The following PLCB1 variants were observed in gnomAD, a reference collection of about 807,000 sequenced individuals.
The protein encoded by PLCB1 is phospholipase C beta 1.
In PLCB1, 46 loss-of-function variants were observed where a neutral mutation model predicts 161.8. That is an observed-to-expected ratio of 0.28 (90% CI 0.22 to 0.36). The LOEUF is 0.36. PLCB1 is among the 10% of genes least tolerant of loss of function. The probability of loss-of-function intolerance (pLI) is 1.00; values close to 1 mark genes in which losing one functional copy is unlikely to be tolerated. For synonymous variants in PLCB1, 517 were observed against 503.7 expected (o/e 1.03, Z -0.35); for missense variants, 1,016 against 1,472.5 (o/e 0.69, Z 5.07).
chr20:8,543,954 A>G (rs1372630436), intron 3 of PLCB1, among the ~76,000 whole-genome samples: 1 of 152,188 alleles, frequency 6.6e-6, no homozygotes, highest in Non-Finnish European at 1.5e-5. Flanking sequence ...TAAATTACTC[A>G]GTCTTGGGTA....
At chr20:8,150,251 C>T (rs2051496125) in intron 1 of PLCB1, 43 bp from the exon 2 acceptor site, 1 of 823,706 alleles carries the variant, frequency 1.2e-6, no homozygotes, top group Non-Finnish European at 2.0e-6. Flanking sequence ...GATTTTTCTA[C>T]AGTGATATAT....
chr20:8,274,482 T>A (rs1270736333), intron 2 of PLCB1, among the ~76,000 whole-genome samples: 4 of 148,858 alleles, frequency 2.7e-5, no homozygotes, highest in Middle Eastern at 3.4e-3. Flanking sequence ...ACTTGTGTCG[T>A]TTTTTTTTTA....
At chr20:8,602,069 C>T (rs1456567711) in intron 3 of PLCB1, among the ~76,000 whole-genome samples, 2 of 152,162 alleles carry the variant, frequency 1.3e-5, no homozygotes, top group African/African-American at 4.8e-5. Flanking sequence ...TTCCATTGGG[C>T]AGCATCTTCT....
chr20:8,765,940 A>G (rs543520057), intron 26 of PLCB1, among the ~76,000 whole-genome samples: 76 of 152,168 alleles, frequency 5.0e-4, no homozygotes, highest in Non-Finnish European at 1.0e-3. Context: ...CGGCCTCCCA[A>G]AGTGCTGGGA....
chr20:8,703,745 C>G (rs546838326), intron 11 of PLCB1, among the ~76,000 whole-genome samples: 1 of 152,270 alleles, frequency 6.6e-6, no homozygotes, highest in African/African-American at 2.4e-5. Flanking sequence ...TCAGACCACA[C>G]TAGCATCCCC....
intron 3 of PLCB1, among the ~76,000 whole-genome samples, chr20:8,556,983 A>AAAT (rs149248053): frequency 1.6e-4 from 23 of 143,308 alleles, no homozygotes; most frequent in African/African-American, 5.7e-4. Flanking sequence ...ATAAATAAAT[A>AAAT]AAATAAATAA....
chr20:8,534,879 C>T (rs749227178), intron 3 of PLCB1, among the ~76,000 whole-genome samples: 7 of 151,880 alleles, frequency 4.6e-5, no homozygotes, highest in East Asian at 1.9e-4. Flanking sequence ...CCTGAACCAC[C>T]GTGGGGAGCA....
At chr20:8,720,747 A>C (rs181301420) in intron 14 of PLCB1, among the ~76,000 whole-genome samples, 1 of 152,250 alleles carries the variant, frequency 6.6e-6, no homozygotes, top group Admixed American at 6.5e-5. Context: ...CTGATTGGCT[A>C]TTTGAAATGA....
rs536149294 is a variant in PLCB1 at position 8,352,469 on chromosome 20, G to A, written c.178-18913G>A. Among the ~76,000 whole-genome samples, 4 of 152,130 alleles carry A rather than the reference G, an allele frequency of 2.6e-5. No homozygotes were observed. The South Asian group carries it at 8.3e-4, about 31-fold the overall frequency. On this transcript the variant is annotated intron_variant, in intron 2 of 31. Transcript: ENST00000338037. ...ACTGTGTACTTTGAAATGTACAAAT[G>A]TACTATGCATTTATAAAAATCTATA...
At chr20:8,717,468 A>C (rs1979383133) in intron 13 of PLCB1, among the ~76,000 whole-genome samples, 2 of 152,198 alleles carry the variant, frequency 1.3e-5, no homozygotes, top group African/African-American at 4.8e-5. Context: ...ATATGTTGAA[A>C]AAAAAAGTAT....
intron 3 of PLCB1, among the ~76,000 whole-genome samples, chr20:8,422,202 T>A (rs2122549049): frequency 6.6e-6 from 1 of 152,258 alleles, no homozygotes; most frequent in Non-Finnish European, 1.5e-5. Context: ...CTGGTGAAGT[T>A]TATAGAGCCA....
chr20:8,850,928 T>G (rs1456569611), intron 31 of PLCB1, among the ~76,000 whole-genome samples: 1 of 152,236 alleles, frequency 6.6e-6, no homozygotes, highest in African/African-American at 2.4e-5. Context: ...CCAAAATCTT[T>G]AAGCCAGAGA....
chr20:8,570,415 G>A (rs994313158), intron 3 of PLCB1, among the ~76,000 whole-genome samples: 4 of 152,110 alleles, frequency 2.6e-5, no homozygotes, highest in African/African-American at 9.7e-5. Flanking sequence ...TATATATGTC[G>A]TTTTTGCATG....
At chr20:8,340,965 C>G (rs1985787170) in intron 2 of PLCB1, among the ~76,000 whole-genome samples, 1 of 152,158 alleles carries the variant, frequency 6.6e-6, no homozygotes, top group Non-Finnish European at 1.5e-5. Flanking sequence ...TTCCTTGGCC[C>G]TGCTATTTTC....
chr20:8,218,816 A>G (rs1426523033), intron 2 of PLCB1, among the ~76,000 whole-genome samples: 2 of 152,112 alleles, frequency 1.3e-5, no homozygotes, highest in Non-Finnish European at 2.9e-5. Context: ...ACATTCCTGC[A>G]CAAGTTTCAA....
At chr20:8,543,585 C>G (rs1403923442) in intron 3 of PLCB1, among the ~76,000 whole-genome samples, 1 of 139,330 alleles carries the variant, frequency 7.2e-6, no homozygotes, top group Non-Finnish European at 1.5e-5. Context: ...AGAATGAATG[C>G]ATTTCGTTAT....
intron 3 of PLCB1, among the ~76,000 whole-genome samples, chr20:8,578,432 C>G (rs1163343343): frequency 6.6e-6 from 1 of 152,108 alleles, no homozygotes; most frequent in Non-Finnish European, 1.5e-5. Context: ...AGTAACCTCT[C>G]CTAAGTAAGA....
intron 3 of PLCB1, among the ~76,000 whole-genome samples, chr20:8,440,706 A>G (rs1481851927): frequency 6.6e-6 from 1 of 152,186 alleles, no homozygotes; most frequent in Non-Finnish European, 1.5e-5. Flanking sequence ...GCTAGATAGG[A>G]GGAATAAATT....
At chr20:8,627,607 C>T (rs1024919809) in intron 3 of PLCB1, among the ~76,000 whole-genome samples, 2 of 152,220 alleles carry the variant, frequency 1.3e-5, no homozygotes, top group African/African-American at 4.8e-5. Context: ...TTAGGTTTCA[C>T]TTTGAGCTTT....
Sources: gnomAD v4.1 joint callset for allele counts (sites outside exome capture counted in the v4.1 genomes callset) on GRCh38, gnomAD v4.1.1 for gene constraint, MANE v1.5 for transcripts, NCBI Gene and HGNC (gene_info 2026-07-23, HGNC 2026-07-21) for gene names.